Variants in HDAC5 observed in about 807,000 individuals in gnomAD.
The protein encoded by HDAC5 is histone deacetylase 5, also known as antigen NY-CO-9.
HDAC5 carries 25 observed loss-of-function variants against 133.3 expected under a neutral mutation model. The observed-to-expected ratio is 0.19, with a 90% confidence interval of 0.14 to 0.26. HDAC5 has a LOEUF of 0.26. HDAC5 is among the 10% of genes least tolerant of loss of function. The probability of loss-of-function intolerance (pLI) is 1.00; values close to 1 mark genes in which losing one functional copy is unlikely to be tolerated. For missense variants in HDAC5, 1,041 were observed against 1,460.5 expected (o/e 0.71, Z 4.68); for synonymous variants, 589 against 610.8 (o/e 0.96, Z 0.53).
At chr17:44,096,751 C>T (rs2051297495) in intron 3 of HDAC5, among the ~76,000 whole-genome samples, 1 of 151,428 alleles carries the variant, frequency 6.6e-6, no homozygotes, top group Non-Finnish European at 1.5e-5. Flanking sequence ...GCTGGGATTA[C>T]AGGCATGAGC....
chr17:44,106,593 C>CT (rs34373757), intron 3 of HDAC5, among the ~76,000 whole-genome samples: 2,106 of 143,874 alleles, frequency 0.015, 44 homozygotes, highest in African/African-American at 0.046. Context: ...ACAAAAGAAG[C>CT]TTTTTTTTTT....
At chr17:44,112,084 C>A (rs141829915) in intron 2 of HDAC5, among the ~76,000 whole-genome samples, 1 of 152,266 alleles carries the variant, frequency 6.6e-6, no homozygotes, top group East Asian at 1.9e-4. Context: ...GCTTACATGG[C>A]AGGGCTGGGA....
intron 2 of HDAC5, among the ~76,000 whole-genome samples, chr17:44,112,289 C>T (rs2052393408): frequency 6.6e-6 from 1 of 152,128 alleles, no homozygotes; most frequent in Non-Finnish European, 1.5e-5. Context: ...GGCAGCACAG[C>T]CCCTGCTCCC....
chr17:44,122,181 C>G (rs930446752), intron 1 of HDAC5, among the ~76,000 whole-genome samples: 1 of 152,138 alleles, frequency 6.6e-6, no homozygotes, highest in African/African-American at 2.4e-5. Flanking sequence ...CCCAGCCCAG[C>G]ATCTCAACAG....
At chr17:44,086,398 C>T (rs548290200) in intron 14 of HDAC5, among the ~76,000 whole-genome samples, 174 bp downstream of exon 14, 1 of 152,368 alleles carries the variant, frequency 6.6e-6, no homozygotes, top group East Asian at 1.9e-4. Context: ...AGGCAGAAGG[C>T]CCTGCCGCTA....
At chr17:44,111,377 C>T (rs534310724) in intron 2 of HDAC5, 63 of 339,582 alleles carry the variant, frequency 1.9e-4, no homozygotes, top group African/African-American at 1.3e-3. Flanking sequence ...CAGGAGGAAG[C>T]GCCAGGCGAG....
In HDAC5 at chr17:44,097,247, G is replaced by A. The variant is rs2051328263; in HGVS notation, c.95-3413C>T. ...CTGGAACCCCCTGCAGGCAGGGTGG[G>A]GTGGGAGAAGGTAAAAGCTCAGCAT... On this transcript the variant is annotated intron_variant, in intron 3 of 26. Coordinates refer to ENST00000682912, the MANE Select transcript of HDAC5 (RefSeq NM_005474.5). Among the ~76,000 whole-genome samples, 4 of 152,380 alleles carry A rather than the reference G, an allele frequency of 2.6e-5. No homozygotes were observed. In the South Asian group the frequency reaches 8.3e-4, roughly 32 times the overall value.
intron 2 of HDAC5, among the ~76,000 whole-genome samples, chr17:44,115,692 C>A (rs2052604406): frequency 6.6e-6 from 1 of 152,262 alleles, no homozygotes; most frequent in African/African-American, 2.4e-5. Flanking sequence ...GCAGTGGCCC[C>A]AGTTCCAAAG....
At chr17:44,088,254 C>G (rs1385044493) in intron 12 of HDAC5, 133 bp downstream of exon 12, 1 of 1,375,608 alleles carries the variant, frequency 7.3e-7, no homozygotes, top group African/African-American at 1.4e-5. Context: ...CTCAGGCGAT[C>G]TGCCCACCTC....
intron 3 of HDAC5, among the ~76,000 whole-genome samples, chr17:44,098,042 C>A (rs751286679): frequency 8.5e-5 from 13 of 152,274 alleles, no homozygotes; most frequent in African/African-American, 1.4e-4. Context: ...TATTAATTTG[C>A]AGGACCTGCA....
At chr17:44,094,102 C>A (rs189823555) in intron 3 of HDAC5, among the ~76,000 whole-genome samples, 17 of 152,274 alleles carry the variant, frequency 1.1e-4, no homozygotes, top group Admixed American at 5.9e-4. Context: ...GCAGGCAGAT[C>A]ACCTGAGGCC....
Position 44,087,447 on chromosome 17 carries a change from G to T in HDAC5, c.1849C>A (p.Pro617Thr). The T allele has an allele frequency of 7.5e-7, 1 of 1,328,706 alleles. No homozygotes were observed. Among genetic ancestry groups the T allele is most frequent in the Non-Finnish European group, 1.1e-6 (1 of 919,988 alleles). 82.3% of individuals were successfully genotyped at this position (1,328,706 alleles called of 1,614,324 possible). A position where few individuals can be genotyped will look rare whatever the true frequency, so the allele number is the denominator to read the frequency against. ...EEGESGAEEG[P>T]DLEEPGAGYK... ...CCAGCACCAGGCTCCTCCAAGTCGG[G>T]CCCCTCCTCAGCACCACTCTCGCCC... is the stretch of plus-strand genomic sequence containing the variant. Residue 617 changes from proline to threonine, a missense_variant, in exon 13 of 27, where the codon CCC becomes ACC. Pro to Thr is a conservative substitution (Grantham distance 38). Transcript: ENST00000682912.
At chr17:44,116,939 A>C (rs1267522680) in intron 2 of HDAC5, among the ~76,000 whole-genome samples, 2 of 152,084 alleles carry the variant, frequency 1.3e-5, no homozygotes, top group Non-Finnish European at 2.9e-5. Context: ...GTCTACCTGG[A>C]CTCAGAGGAG....
At position 44,123,547 on chromosome 17, in the gene HDAC5, A is replaced by T; in HGVS notation, c.-233T>A. On this transcript the variant is annotated 5_prime_UTR_variant, in exon 1 of 27. Coordinates refer to ENST00000682912, the MANE Select transcript of HDAC5 (RefSeq NM_005474.5). The stretch of plus-strand genomic sequence containing the variant: ...CGGCTTCGCGGGCGGCGGCGGCAGC[A>T]GCGGCGGCGGCAGCGGCGGCAGCAC... The T allele has an allele frequency of 2.5e-6, 1 of 400,004 alleles. No homozygotes were observed. Among genetic ancestry groups the T allele is most frequent in the South Asian group, 1.3e-4 (1 of 7,922 alleles). 24.8% of individuals were successfully genotyped at this position (400,004 alleles called of 1,614,324 possible).
At position 44,092,705 on chromosome 17, in the gene HDAC5, C is replaced by T. The variant is rs777568915; in HGVS notation, c.743G>A (p.Ser248Asn). The T allele has an allele frequency of 2.6e-6, 4 of 1,513,740 alleles. No individual in the cohort carries two copies. The East Asian group carries it at 9.2e-5, about 35-fold the overall frequency. 93.8% of individuals were successfully genotyped at this position (1,513,740 alleles called of 1,614,324 possible). A position where few individuals can be genotyped will look rare whatever the true frequency, so the allele number is the denominator to read the frequency against. ...TTTGCGGAGGGGGAAGTCGTCTCGA[C>T]TGTCGTAGGGCCCAGGCAAAGGCAG... The part of the protein sequence containing the change: ...YKLPLPGPYD[S>N]RDDFPLRKTA... The change falls in exon 7 of 27, where the codon AGT becomes AAT. Residue 248 changes from serine (S) to asparagine (N), a missense_variant. Coordinates refer to ENST00000682912, the MANE Select transcript of HDAC5 (RefSeq NM_005474.5).
intron 12 of HDAC5, among the ~76,000 whole-genome samples, chr17:44,087,949 T>C (rs1009151631): frequency 6.6e-6 from 1 of 152,094 alleles, no homozygotes; most frequent in African/African-American, 2.4e-5. Flanking sequence ...ATTCAAGCGA[T>C]TCTCCTGCCT....
chr17:44,085,046 C>G lies in HDAC5; in HGVS notation c.2160G>C (p.Glu720Asp). 1 of 1,593,024 alleles carries G rather than the reference C, an allele frequency of 6.3e-7. No individual in the cohort carries two copies. The highest frequency in any genetic ancestry group is 1.3e-5 in the African/African-American group (1 of 74,730). Residue 720 changes from glutamate to aspartate, a missense_variant, in exon 15 of 27, where the codon GAG becomes GAC. Glu to Asp is a conservative substitution (Grantham distance 45, BLOSUM62 2). Coordinates refer to ENST00000682912, the MANE Select transcript of HDAC5 (RefSeq NM_005474.5). ...CCTCGCACTTGCTAAGCAGGCCTGTCTCCTGCAGCCGGGACCAGATGCTCT... is the reference window on the plus strand; with the variant it reads ...CCTCGCACTTGCTAAGCAGGCCTGTGTCCTGCAGCCGGGACCAGATGCTCT... Reference protein sequence around the residue: ...RIQSIWSRLQETGLLSKCERI... With the variant: ...RIQSIWSRLQDTGLLSKCERI...
rs758148773 is a variant in HDAC5, at chr17:44,092,373, GCCCTTA to G, written c.919+2_919+7del. 1.9e-6 allele frequency: 3 copies of G among 1,612,288 alleles called. No homozygotes were observed. The highest frequency in any genetic ancestry group is 2.5e-6 in the Non-Finnish European group (3 of 1,178,564). ...CCCTCAGAACAGGTACATGAGAGCA[GCCCTTA>G]CCCCCAGGCCCGGCACCTGTGATCT... On this transcript the variant is annotated splice_donor_variant and splice_donor_5th_base_variant and intron_variant, in intron 8 of 26. Coordinates refer to ENST00000682912, the MANE Select transcript of HDAC5 (RefSeq NM_005474.5). LOFTEE classifies it high-confidence loss of function.
chr17:44,084,238 A>G (rs769324586), intron 16 of HDAC5, among the ~76,000 whole-genome samples: 1 of 152,126 alleles, frequency 6.6e-6, no homozygotes, highest in Non-Finnish European at 1.5e-5. Flanking sequence ...GGAAGCTGTC[A>G]GTCCTCTGTC....
Sources: allele counts gnomAD v4.1 joint callset (sites outside exome capture counted in the v4.1 genomes callset), GRCh38; gene constraint gnomAD v4.1.1; transcripts MANE v1.5; gene names NCBI Gene and HGNC (gene_info 2026-07-23, HGNC 2026-07-21).